The following KCNQ5 variants were observed in gnomAD, a reference collection of about 807,000 sequenced individuals.
KCNQ5 encodes potassium voltage-gated channel subfamily Q member 5.
A neutral mutation model predicts 98.2 loss-of-function variants in KCNQ5; 30 were observed. The ratio of observed to expected loss-of-function variants is 0.31; its 90% CI spans 0.23 to 0.41. The LOEUF (loss-of-function observed/expected upper bound fraction) is 0.41. Ranked by LOEUF, KCNQ5 falls within the 10% of genes least tolerant of loss-of-function variation. The probability of loss-of-function intolerance (pLI) is 1.00; values close to 1 mark genes in which losing one functional copy is unlikely to be tolerated. For synonymous variants in KCNQ5, 458 were observed against 449.4 expected (o/e 1.02, Z -0.24); for missense variants, 835 against 1,182.5 (o/e 0.71, Z 4.31).
intron 1 of KCNQ5, among the ~76,000 whole-genome samples, chr6:72,955,969 A>G (rs1756412302): frequency 6.6e-6 from 1 of 152,154 alleles, no homozygotes; most frequent in Non-Finnish European, 1.5e-5. Flanking sequence ...TCTCAAAATA[A>G]GGCCAACCTT....
chr6:73,090,492 A>G (rs1274619765), intron 5 of KCNQ5, among the ~76,000 whole-genome samples: 3 of 152,128 alleles, frequency 2.0e-5, no homozygotes, highest in Non-Finnish European at 4.4e-5. Flanking sequence ...GCCTAACTCA[A>G]TGTATAGAAG....
intron 1 of KCNQ5, among the ~76,000 whole-genome samples, chr6:72,873,679 A>G (rs1241084066): frequency 1.3e-5 from 2 of 152,146 alleles, no homozygotes; most frequent in Non-Finnish European, 2.9e-5. Context: ...GTATTTAATT[A>G]CATTTCCAGA....
chr6:73,173,284 CCCCATAT>C (rs1778079749), intron 11 of KCNQ5, among the ~76,000 whole-genome samples: 1 of 152,104 alleles, frequency 6.6e-6, no homozygotes, highest in Non-Finnish European at 1.5e-5. Flanking sequence ...TTAACAAAAG[CCCCATAT>C]TTTAGTGATT....
chr6:73,068,983 A>T (rs1773189835), intron 3 of KCNQ5, among the ~76,000 whole-genome samples: 1 of 152,152 alleles, frequency 6.6e-6, no homozygotes, highest in East Asian at 1.9e-4. Context: ...GAAAATCTTC[A>T]TCAAATAACT....
chr6:72,919,578 G>A (rs1479831129), intron 1 of KCNQ5, among the ~76,000 whole-genome samples: 2 of 152,096 alleles, frequency 1.3e-5, no homozygotes, highest in African/African-American at 4.8e-5. Flanking sequence ...TTGATAGATG[G>A]TGTAGCCAGG....
chr6:73,040,473 T>C (rs903122420), intron 2 of KCNQ5, among the ~76,000 whole-genome samples: 13 of 152,222 alleles, frequency 8.5e-5, no homozygotes, highest in Non-Finnish European at 4.4e-5. Context: ...TCTGGCACTT[T>C]AGATACCTTA....
intron 2 of KCNQ5, among the ~76,000 whole-genome samples, chr6:73,015,063 G>T (rs1003784914): frequency 1.3e-5 from 2 of 152,082 alleles, no homozygotes; most frequent in African/African-American, 4.8e-5. Context: ...GGATAACAGA[G>T]TGTAAGGATA....
chr6:73,109,725 A>G (rs1200226504), intron 6 of KCNQ5, among the ~76,000 whole-genome samples: 1 of 152,222 alleles, frequency 6.6e-6, no homozygotes, highest in Non-Finnish European at 1.5e-5. Flanking sequence ...CACAACCTGT[A>G]TGAGATAGAG....
intron 2 of KCNQ5, among the ~76,000 whole-genome samples, chr6:73,030,510 C>A (rs1317712258): frequency 6.6e-6 from 1 of 152,166 alleles, no homozygotes; most frequent in Non-Finnish European, 1.5e-5. Context: ...ACACCAATAA[C>A]ACATACTTTG....
intron 5 of KCNQ5, among the ~76,000 whole-genome samples, chr6:73,091,689 T>C (rs1020429237): frequency 6.7e-6 from 1 of 148,752 alleles, no homozygotes; most frequent in Non-Finnish European, 1.5e-5. Context: ...TGAAATCAGG[T>C]AATGTGATGC....
intron 5 of KCNQ5, among the ~76,000 whole-genome samples, chr6:73,096,715 A>C (rs776805518): frequency 7.2e-5 from 11 of 152,204 alleles, no homozygotes; most frequent in Non-Finnish European, 1.3e-4. Context: ...ACATCGTGCT[A>C]ATTAACATAT....
chr6:72,951,028 C>A (rs1459441855), intron 1 of KCNQ5, among the ~76,000 whole-genome samples: 1 of 152,044 alleles, frequency 6.6e-6, no homozygotes, highest in East Asian at 1.9e-4. Context: ...AAACTTTAAG[C>A]CTGATTTCTA....
intron 1 of KCNQ5, among the ~76,000 whole-genome samples, chr6:72,982,264 T>G (rs1768499160): frequency 6.6e-6 from 1 of 152,190 alleles, no homozygotes; most frequent in South Asian, 2.1e-4. Flanking sequence ...TGTTAAAGTC[T>G]CCCATTATTA....
intron 13 of KCNQ5, among the ~76,000 whole-genome samples, chr6:73,193,891 C>G (rs1418760150): frequency 6.9e-6 from 1 of 144,712 alleles, no homozygotes; most frequent in African/African-American, 2.6e-5. Flanking sequence ...GGCTGAAGTG[C>G]AGTGGCACAA....
rs921235880 is a variant in KCNQ5, at chr6:72,753,304, G to A, written c.398+130717G>A. On this transcript the variant is annotated intron_variant, in intron 1 of 13. Transcript: ENST00000370398. ...ATTCCCTTATTTCTTATATTTTTGA[G>A]TTGGATCCCATTTTACAGGTATACC... is the stretch of plus-strand genomic sequence containing the variant. Among the ~76,000 whole-genome samples the A allele has an allele frequency of 6.6e-5, 10 of 152,030 alleles. No homozygotes were observed. In the East Asian group the frequency reaches 9.6e-4, roughly 15 times the overall value.
intron 1 of KCNQ5, among the ~76,000 whole-genome samples, chr6:72,874,428 A>G (rs1778326704): frequency 6.6e-6 from 1 of 152,288 alleles, no homozygotes; most frequent in East Asian, 1.9e-4. Flanking sequence ...TGGTCTATCT[A>G]CATAAATATT....
intron 9 of KCNQ5, chr6:73,125,348 A>G: frequency 5.9e-6 from 3 of 507,572 alleles, no homozygotes; most frequent in Admixed American, 4.0e-5. Flanking sequence ...ATTTGAGAGC[A>G]AAGCCCTGAA....
At chr6:73,136,533 T>A (rs1429245870) in intron 10 of KCNQ5, 1 of 152,228 alleles carries the variant, frequency 6.6e-6, no homozygotes, top group Non-Finnish European at 1.5e-5. Flanking sequence ...ACAAAAGAAT[T>A]GCTTCTCCCT....
intron 1 of KCNQ5, among the ~76,000 whole-genome samples, chr6:72,882,866 A>C (rs1581952499): frequency 1.3e-5 from 2 of 152,272 alleles, no homozygotes; most frequent in East Asian, 3.9e-4. Context: ...GTTTGACAAG[A>C]GTGTACGCGT....
Sources: gnomAD v4.1 joint callset for allele counts (sites outside exome capture counted in the v4.1 genomes callset) on GRCh38, gnomAD v4.1.1 for gene constraint, MANE v1.5 for transcripts, NCBI Gene and HGNC (gene_info 2026-07-23, HGNC 2026-07-21) for gene names.